NTN4: variants seen among roughly 807,000 people sequenced by gnomAD.
The protein encoded by NTN4 is netrin-4.
NTN4 carries 32 observed loss-of-function variants against 73.6 expected under a neutral mutation model. The observed-to-expected ratio is 0.44, with a 90% CI of 0.33 to 0.58. NTN4 has a LOEUF of 0.58. Among genes scored for constraint, NTN4 ranks in the 20% least tolerant of loss-of-function variants. NTN4 has a pLI of 0.04. For synonymous variants in NTN4, 258 were observed against 287.5 expected, an observed-to-expected ratio of 0.90 and a Z score of 1.04; for missense variants, 654 against 798.3, an observed-to-expected ratio of 0.82 and a Z score of 2.18.
At chr12:95,732,445 C>T (rs1437512874) in intron 3 of NTN4, among the ~76,000 whole-genome samples, 1 of 133,208 alleles carries the variant, frequency 7.5e-6, no homozygotes, top group Admixed American at 8.2e-5. Context: ...CTCTTGTTAC[C>T]TAGGCTGGAG....
chr12:95,730,607 A>C (rs1188459572), intron 3 of NTN4, among the ~76,000 whole-genome samples: 1 of 152,162 alleles, frequency 6.6e-6, no homozygotes, highest in East Asian at 1.9e-4. Context: ...AACACTAACA[A>C]TTTCCAGCCA....
At chr12:95,726,197 G>A (rs4762242) in intron 3 of NTN4, among the ~76,000 whole-genome samples, 56,187 of 151,560 alleles carry the variant, frequency 0.37, 12,255 homozygotes, top group Non-Finnish European at 0.5. Context: ...ATGTTGTACA[G>A]TCATTACCAC....
intron 5 of NTN4, among the ~76,000 whole-genome samples, chr12:95,697,179 CAA>C (rs35893418): frequency 6.9e-5 from 9 of 129,580 alleles, no homozygotes; most frequent in South Asian, 2.4e-4. Context: ...AACCCTGTCT[CAA>C]AAAAAAAAAA....
intron 3 of NTN4, among the ~76,000 whole-genome samples, chr12:95,728,241 AG>A (rs1436751591): frequency 2.6e-5 from 4 of 152,336 alleles, no homozygotes; most frequent in African/African-American, 9.6e-5. Flanking sequence ...GAATAAATAT[AG>A]GCTTACTTCT....
intron 2 of NTN4, among the ~76,000 whole-genome samples, chr12:95,749,710 T>TC (rs1446703012): frequency 6.6e-6 from 1 of 152,190 alleles, no homozygotes; most frequent in Non-Finnish European, 1.5e-5. Context: ...CCTGCCTTGG[T>TC]CCTTCACCCT....
intron 7 of NTN4, among the ~76,000 whole-genome samples, chr12:95,678,349 T>TAAAAAAAAAAAAAAAAA (rs59083360): frequency 9.0e-6 from 1 of 110,960 alleles, no homozygotes. Flanking sequence ...GAACTTAAAG[T>TAAAAAAAAAAAAAAAAA]AAAAAAAAAA....
At chr12:95,730,767 G>C (rs529728176) in intron 3 of NTN4, among the ~76,000 whole-genome samples, 1 of 152,312 alleles carries the variant, frequency 6.6e-6, no homozygotes, top group South Asian at 2.1e-4. Context: ...CAGGAGCACT[G>C]AAATAAGGAT....
Position 95,713,183 on chromosome 12 carries a change from C to T in NTN4, c.991+29G>A, listed in dbSNP as rs376461445. The T allele has an allele frequency of 1.9e-6, 3 of 1,601,462 alleles. No individual in the cohort carries two copies. In the African/African-American group the frequency reaches 4.0e-5, roughly 21 times the overall value. On this transcript the variant is annotated intron_variant, in intron 4 of 9. Coordinates refer to ENST00000343702, the MANE Select transcript of NTN4 (RefSeq NM_021229.4). ...AGATGCGTTGACTTTACAAAGAAAG[C>T]TTTTGAGTATCGTGGGCTTGTTACT...
rs893798997 is a variant in NTN4 at position 95,665,842 on chromosome 12, T to G, written c.1718A>C (p.Asp573Ala). 12 of 1,613,872 alleles carry G rather than the reference T, an allele frequency of 7.4e-6. No individual in the cohort carries two copies. The highest frequency in any genetic ancestry group is 6.7e-5 in the Admixed American group (4 of 59,990). ...KRTLYPESWT[D>A]RGCTCPILNP... Reference sequence around the variant, plus strand: ...GAGGATTGGACAAGTGCATCCTCTGTCCGTCCATGATTCTGGATATAATGT... The same window carrying G: ...GAGGATTGGACAAGTGCATCCTCTGGCCGTCCATGATTCTGGATATAATGT... The change falls in exon 9 of 10, where the codon GAC becomes GCC. Residue 573 changes from aspartate to alanine, a missense_variant. Physicochemically the swap from Asp to Ala is moderately radical, Grantham distance 126 (BLOSUM62 -2). Coordinates refer to ENST00000343702, the MANE Select transcript of NTN4 (RefSeq NM_021229.4).
rs1333623839 is a variant in NTN4, at chr12:95,759,750, C to CTGTA, written c.586-21610_586-21607dup. Among the ~76,000 whole-genome samples, 10 of 152,046 alleles carry CTGTA rather than the reference C, an allele frequency of 6.6e-5. 1 individual carries two copies. The highest frequency in any genetic ancestry group is 3.9e-4 in the Admixed American group (6 of 15,272). ...GTTCTGGGATTACAGGTGTGAGCCA[C>CTGTA]TGTACCTGGCCCCTTGTAGTATATT... On this transcript the variant is annotated intron_variant, in intron 2 of 9. Transcript: ENST00000343702.
At chr12:95,691,618 C>T (rs942917532) in intron 5 of NTN4, among the ~76,000 whole-genome samples, 1 of 152,132 alleles carries the variant, frequency 6.6e-6, no homozygotes, top group Non-Finnish European at 1.5e-5. Flanking sequence ...TGGTCTTGAC[C>T]TCCTGACCTC....
intron 3 of NTN4, among the ~76,000 whole-genome samples, chr12:95,720,901 T>C (rs1443572499): frequency 1.3e-5 from 2 of 152,192 alleles, no homozygotes; most frequent in Non-Finnish European, 2.9e-5. Context: ...ATTCTAGGCA[T>C]TGTATAAATA....
intron 5 of NTN4, among the ~76,000 whole-genome samples, chr12:95,704,870 G>A (rs2078511899): frequency 6.6e-6 from 1 of 152,122 alleles, no homozygotes; most frequent in South Asian, 2.1e-4. Flanking sequence ...TGTCTGGAGA[G>A]GGAAAGAAAG....
intron 2 of NTN4, among the ~76,000 whole-genome samples, chr12:95,747,474 C>T (rs7131946): frequency 0.86 from 130,810 of 152,176 alleles, 56,267 homozygotes; most frequent in South Asian, 0.92. Context: ...CAGCTAACTT[C>T]TTTATTTTTT....
rs2078824187 is a variant in NTN4 at position 95,741,438 on chromosome 12, TATATATATATA to T, written c.586-3305_586-3295del. Among the ~76,000 whole-genome samples the T allele has an allele frequency of 9.7e-4, 98 of 101,052 alleles. 10 individuals are homozygous for T. The highest frequency in any genetic ancestry group is 1.0e-3 in the South Asian group (3 of 2,922). The allele number at this position is 101,052 out of a possible 152,430, so 66.3% of individuals were successfully genotyped here. A position where few individuals can be genotyped will look rare whatever the true frequency, so the allele number is the denominator to read the frequency against. ...AAATTATGTATAAATTATATATATATATATATATATATATATATATATATATATATATATAT... is the reference window on the plus strand; with the variant it reads ...AAATTATGTATAAATTATATATATATTATATATATATATATATATATATAT... On this transcript the variant is annotated intron_variant, in intron 2 of 9. Transcript: ENST00000343702.
intron 3 of NTN4, among the ~76,000 whole-genome samples, chr12:95,729,649 G>A (rs1157484018): frequency 6.6e-6 from 1 of 151,366 alleles, no homozygotes; most frequent in African/African-American, 2.4e-5. Flanking sequence ...GTGTGTGTGT[G>A]TGTGTGTGTG....
chr12:95,770,382 G>A (rs17024669), intron 2 of NTN4, among the ~76,000 whole-genome samples: 21,450 of 152,140 alleles, frequency 0.14, 1,849 homozygotes, highest in East Asian at 0.26. Flanking sequence ...AGAGTTTTGC[G>A]CCCATTTGGG....
At chr12:95,727,618 G>A (rs543314556) in intron 3 of NTN4, among the ~76,000 whole-genome samples, 1 of 152,132 alleles carries the variant, frequency 6.6e-6, no homozygotes, top group Non-Finnish European at 1.5e-5. Flanking sequence ...GGCCACAAAT[G>A]TATAAGTTTA....
In NTN4 at chr12:95,790,059, C is replaced by T. The variant is rs1015313500; in HGVS notation, c.55+196G>A. 1 of 475,866 alleles carries T rather than the reference C, an allele frequency of 2.1e-6. No homozygotes were observed. Among genetic ancestry groups the T allele is most frequent in the Non-Finnish European group, 3.8e-6 (1 of 264,596 alleles). The allele number at this position is 475,866 out of a possible 1,614,324, so 29.5% of individuals were successfully genotyped here. The stretch of plus-strand genomic sequence containing the variant: ...GCTGGTTATCCAAGCGCATGTGTAT[C>T]CCAGTTGTAAAAATAAATCAATAGT... On this transcript the variant is annotated intron_variant, in intron 1 of 9. Coordinates refer to ENST00000343702, the MANE Select transcript of NTN4 (RefSeq NM_021229.4). This position sits in a 1 kb window ranked among gnomAD's most constrained non-coding sequence, Gnocchi z 6.5.
Sources: gnomAD v4.1 joint callset for allele counts (sites outside exome capture counted in the v4.1 genomes callset) on GRCh38, gnomAD v4.1.1 for gene constraint, Gnocchi (gnomAD v3.1) non-coding constraint, MANE v1.5 for transcripts, NCBI Gene and HGNC (gene_info 2026-07-23, HGNC 2026-07-21) for gene names.